Variants in CTXND1 observed in about 807,000 individuals in gnomAD.
CTXND1 encodes cortexin domain-containing 1 protein.
intron 1 of CTXND1, among the ~76,000 whole-genome samples, chr15:80,210,583 C>T (rs992949265): frequency 6.6e-6 from 1 of 152,134 alleles, no homozygotes; most frequent in Non-Finnish European, 1.5e-5. Context: ...GTATAGTGTG[C>T]GGAGCTTTGT....
At position 80,198,295 on chromosome 15, in the gene CTXND1, AC is replaced by A. The variant is rs1220109014; in HGVS notation, c.*3474del. 6.6e-6 allele frequency: 1 copy of A among 152,280 alleles called. No individual in the cohort carries two copies. Among genetic ancestry groups the A allele is most frequent in the Non-Finnish European group, 1.5e-5 (1 of 68,110 alleles). 9.4% of individuals were successfully genotyped at this position (152,280 alleles called of 1,614,324 possible). The stretch of plus-strand genomic sequence containing the variant: ...AACAACTTAAAACTGGCCACTAGGC[AC>A]CATTGCCTGGAAAACCCACCACCCA... On this transcript the variant is annotated 3_prime_UTR_variant, in exon 3 of 3. Transcript: ENST00000560778.
chr15:80,204,672 T>TATATATATAC (rs898718335), intron 1 of CTXND1, among the ~76,000 whole-genome samples: 2 of 124,834 alleles, frequency 1.6e-5, no homozygotes, highest in East Asian at 4.5e-4. Context: ...TATATATATA[T>TATATATATAC]ACCACATTTT....
rs1595911453 is a variant in CTXND1 at position 80,246,222 on chromosome 15, A to C, written c.-218+5785T>G. ...TAAAATCTTTGTCTTCCAAAGAAGC[A>C]AATTTTCTGTAATTCCAAAGTTCAA... On this transcript the variant is annotated intron_variant, in intron 1 of 2. Coordinates refer to ENST00000560778, the MANE Select transcript of CTXND1 (RefSeq NM_001352888.2). 3.3e-5 allele frequency among the ~76,000 whole-genome samples: 5 copies of C among 152,370 alleles called. No individual in the cohort carries two copies. In the South Asian group the frequency reaches 1.0e-3, roughly 32 times the overall value.
intron 1 of CTXND1, among the ~76,000 whole-genome samples, chr15:80,221,682 A>G (rs960036432): frequency 6.6e-6 from 1 of 152,196 alleles, no homozygotes; most frequent in African/African-American, 2.4e-5. Flanking sequence ...TAGCTTCTAA[A>G]GGTGACAGTT....
intron 1 of CTXND1, among the ~76,000 whole-genome samples, chr15:80,248,437 T>C (rs1176662227): frequency 1.3e-5 from 2 of 151,772 alleles, no homozygotes; most frequent in South Asian, 2.1e-4. Flanking sequence ...ATTTCAGGAG[T>C]TTTGCCATCA....
Position 80,203,042 on chromosome 15 carries a change from CA to C in CTXND1, c.-66+546del, listed in dbSNP as rs1297499802. On this transcript the variant is annotated intron_variant, in intron 2 of 2. Coordinates refer to ENST00000560778, the MANE Select transcript of CTXND1 (RefSeq NM_001352888.2). ...ACCTGCTTCACAGGGATGTGACGAC[CA>C]AATGCACAGTCCCTGGCTCCAGTGG... is the stretch of plus-strand genomic sequence containing the variant. 7.9e-5 allele frequency among the ~76,000 whole-genome samples: 12 copies of C among 152,308 alleles called. No homozygotes were observed. In the East Asian group the frequency reaches 2.3e-3, roughly 29 times the overall value.
chr15:80,233,101 C>T (rs934624369), intron 1 of CTXND1, among the ~76,000 whole-genome samples: 1 of 152,082 alleles, frequency 6.6e-6, no homozygotes, highest in African/African-American at 2.4e-5. Flanking sequence ...ACCACCACGC[C>T]TGGCTAATTT....
chr15:80,244,917 A>G (rs905798676), intron 1 of CTXND1, among the ~76,000 whole-genome samples: 1 of 152,100 alleles, frequency 6.6e-6, no homozygotes, highest in African/African-American at 2.4e-5. Flanking sequence ...AAGGGTTGAG[A>G]GTTGGGCCTG....
chr15:80,205,179 G>A (rs749924951), intron 1 of CTXND1, among the ~76,000 whole-genome samples: 2 of 152,164 alleles, frequency 1.3e-5, no homozygotes, highest in African/African-American at 4.8e-5. Context: ...ATAGAAGGTT[G>A]CCTCTTTCTT....
At chr15:80,238,523 T>C (rs1250827172) in intron 1 of CTXND1, among the ~76,000 whole-genome samples, 2 of 151,172 alleles carry the variant, frequency 1.3e-5, no homozygotes, top group South Asian at 2.1e-4. Context: ...CTTGCTCTGT[T>C]GCCCAGGCTG....
chr15:80,204,169 A>AAAAAT (rs1555443860), intron 1 of CTXND1, among the ~76,000 whole-genome samples: 10 of 65,194 alleles, frequency 1.5e-4, no homozygotes, highest in East Asian at 5.4e-4. Flanking sequence ...AAAAAAAAAA[A>AAAAAT]ATATATATAT....
At chr15:80,204,673 A>ATATATATATATATAT (rs1893129743) in intron 1 of CTXND1, among the ~76,000 whole-genome samples, 5 of 125,130 alleles carry the variant, frequency 4.0e-5, no homozygotes, top group Admixed American at 7.8e-5. Flanking sequence ...ATATATATAT[A>ATATATATATATATAT]CCACATTTTG....
intron 1 of CTXND1, among the ~76,000 whole-genome samples, chr15:80,232,960 T>TTG (rs34631722): frequency 2.8e-5 from 4 of 142,890 alleles, no homozygotes; most frequent in Non-Finnish European, 6.1e-5. Flanking sequence ...TTTTTTTTTT[T>TTG]GAGACTGAGT....
In CTXND1 at chr15:80,204,103, C is replaced by T. The variant is rs532086669; in HGVS notation, c.-217-363G>A. On this transcript the variant is annotated intron_variant, in intron 1 of 2. Transcript: ENST00000560778. ...ACTTGAACCCAGGAGGCGGAGGTTG[C>T]GCCGCTGCACTCCAGCCTGGGCGAC... is the stretch of plus-strand genomic sequence containing the variant. Among the ~76,000 whole-genome samples the T allele has an allele frequency of 7.5e-5, 10 of 133,044 alleles. No individual in the cohort carries two copies. In the South Asian group the frequency reaches 1.3e-3, roughly 17 times the overall value. 87.3% of individuals were successfully genotyped at this position (133,044 alleles called of 152,430 possible).
intron 1 of CTXND1, among the ~76,000 whole-genome samples, chr15:80,241,765 C>T (rs138855011): frequency 8.8e-4 from 134 of 152,292 alleles, no homozygotes; most frequent in Non-Finnish European, 1.6e-3. Flanking sequence ...AACAGCTGCT[C>T]GTTGGCCTAC....
At chr15:80,220,875 G>A (rs1353933427) in intron 1 of CTXND1, among the ~76,000 whole-genome samples, 2 of 149,832 alleles carry the variant, frequency 1.3e-5, no homozygotes, top group African/African-American at 2.4e-5. Flanking sequence ...AAAATTTACT[G>A]AGCTCTATTA....
intron 1 of CTXND1, among the ~76,000 whole-genome samples, chr15:80,249,002 G>C (rs1274827649): frequency 6.6e-6 from 1 of 151,890 alleles, no homozygotes; most frequent in African/African-American, 2.4e-5. Flanking sequence ...GCCCAGGCTG[G>C]AGTATAGTGG....
chr15:80,206,629 C>G (rs1228437264), intron 1 of CTXND1, among the ~76,000 whole-genome samples: 1 of 151,890 alleles, frequency 6.6e-6, no homozygotes, highest in African/African-American at 2.4e-5. Context: ...TAATTGTTTA[C>G]GTTTGTTCTT....
intron 1 of CTXND1, among the ~76,000 whole-genome samples, chr15:80,220,001 G>C (rs116935007): frequency 2.6e-5 from 4 of 151,886 alleles, no homozygotes; most frequent in Admixed American, 2.6e-4. Context: ...CAGATGTTTC[G>C]AATTTTAATG....
Sources: gnomAD v4.1 joint callset for allele counts (sites outside exome capture counted in the v4.1 genomes callset) on GRCh38, gnomAD v4.1.1 for gene constraint, MANE v1.5 for transcripts, NCBI Gene and HGNC (gene_info 2026-07-23, HGNC 2026-07-21) for gene names.